Variants in TPH2 observed in about 807,000 individuals in gnomAD.
The protein encoded by TPH2 is tryptophan 5-hydroxylase 2.
Under a neutral mutation model 59.1 loss-of-function variants are expected in TPH2, and 27 were observed. The observed-to-expected ratio is 0.46, with a 90% CI of 0.34 to 0.63. The LOEUF is 0.63. TPH2 is among the 30% of genes least tolerant of loss of function. The probability of loss-of-function intolerance (pLI) is 0.01; values close to 1 mark genes in which losing one functional copy is unlikely to be tolerated. For missense variants in TPH2, 523 were observed against 588.3 expected, an observed-to-expected ratio of 0.89 and a Z score of 1.15; for synonymous variants, 220 against 210.5, an observed-to-expected ratio of 1.05 and a Z score of -0.39.
chr12:71,954,977 T>C (rs1871454863), intron 5 of TPH2, among the ~76,000 whole-genome samples: 1 of 152,172 alleles, frequency 6.6e-6, no homozygotes, highest in Non-Finnish European at 1.5e-5. Flanking sequence ...TTATTATGAA[T>C]GTACCTACTC....
At chr12:72,015,164 T>C (rs1404684391) in intron 8 of TPH2, among the ~76,000 whole-genome samples, 1 of 152,062 alleles carries the variant, frequency 6.6e-6, no homozygotes, top group Non-Finnish European at 1.5e-5. Context: ...GAGCAGACCT[T>C]GAGGGGCCTT....
chr12:72,005,765 C>T lies in TPH2; in HGVS notation c.1068+11200C>T, dbSNP rs116755713. On this transcript the variant is annotated intron_variant, in intron 8 of 10. Coordinates refer to ENST00000333850, the MANE Select transcript of TPH2 (RefSeq NM_173353.4). ...TGATAAGTTTTGTTTGCTTTTCCTT[C>T]TTTGTTTTGAGAAAAAATTGAGCAC... Among the ~76,000 whole-genome samples the T allele has an allele frequency of 7.7e-3, 1,168 of 152,238 alleles. 15 individuals carry two copies. The highest frequency in any genetic ancestry group is 0.027 in the African/African-American group (1,115 of 41,556).
At chr12:71,950,363 C>A (rs1161400326) in intron 5 of TPH2, among the ~76,000 whole-genome samples, 1 of 151,698 alleles carries the variant, frequency 6.6e-6, no homozygotes, top group Non-Finnish European at 1.5e-5. Context: ...AAGGGTGGGG[C>A]CATTTTATAG....
chr12:71,992,784 T>C (rs1872609254), intron 7 of TPH2, among the ~76,000 whole-genome samples: 1 of 152,230 alleles, frequency 6.6e-6, no homozygotes, highest in Non-Finnish European at 1.5e-5. Context: ...CATGAAAACA[T>C]TTAGCACAGT....
intron 5 of TPH2, among the ~76,000 whole-genome samples, chr12:71,968,305 G>A (rs890431147): frequency 6.6e-6 from 1 of 152,164 alleles, no homozygotes; most frequent in Non-Finnish European, 1.5e-5. Flanking sequence ...GACGGTGATG[G>A]GGACCACTGT....
chr12:72,005,865 C>G (rs1255358708), intron 8 of TPH2, among the ~76,000 whole-genome samples: 1 of 152,078 alleles, frequency 6.6e-6, no homozygotes, highest in African/African-American at 2.4e-5. Context: ...AGTTCTGTCC[C>G]CATTAGTGAG....
At chr12:71,961,503 G>T (rs763217608) in intron 5 of TPH2, 6 of 1,346,476 alleles carry the variant, frequency 4.5e-6, no homozygotes, top group Non-Finnish European at 5.9e-6. Context: ...GGTGCAAGAT[G>T]TATCTGATTA....
At chr12:71,979,260 T>C (rs1872204395) in intron 7 of TPH2, among the ~76,000 whole-genome samples, 173 bp downstream of exon 7, 1 of 152,224 alleles carries the variant, frequency 6.6e-6, no homozygotes, top group Non-Finnish European at 1.5e-5. Flanking sequence ...ACTCCTCATC[T>C]GGGTCCGTGG....
rs7977183 is a variant in TPH2 at position 71,949,463 on chromosome 12, T to A, written c.541-125T>A. The A allele has an allele frequency of 2.4e-3, 1,809 of 756,420 alleles. 26 individuals carry two copies. In the African/African-American group the frequency reaches 0.027, roughly 11 times the overall value. 46.9% of individuals were successfully genotyped at this position (756,420 alleles called of 1,614,324 possible). A position where few individuals can be genotyped will look rare whatever the true frequency, so the allele number is the denominator to read the frequency against. The stretch of plus-strand genomic sequence containing the variant: ...TTTGTTTCTGTCTGTGTCATCAAGA[T>A]GGCCATCCTAGGATAAGATTTACAT... On this transcript the variant is annotated intron_variant, in intron 4 of 10. Coordinates refer to ENST00000333850, the MANE Select transcript of TPH2 (RefSeq NM_173353.4).
intron 7 of TPH2, among the ~76,000 whole-genome samples, chr12:71,982,517 C>T (rs1287899952): frequency 6.6e-6 from 1 of 152,086 alleles, no homozygotes; most frequent in African/African-American, 2.4e-5. Context: ...CTTTTTAATC[C>T]TTGTATATTG....
intron 8 of TPH2, among the ~76,000 whole-genome samples, chr12:72,004,731 AG>A (rs1872908231): frequency 6.6e-6 from 1 of 152,220 alleles, no homozygotes; most frequent in Non-Finnish European, 1.5e-5. Context: ...AGCAGAAAGA[AG>A]ATGGTTGGGA....
intron 7 of TPH2, among the ~76,000 whole-genome samples, chr12:71,981,340 T>G (rs1011079790): frequency 6.6e-6 from 1 of 152,184 alleles, no homozygotes; most frequent in Non-Finnish European, 1.5e-5. Flanking sequence ...TGGACTTAGT[T>G]CTGTAGGCAA....
intron 7 of TPH2, 54 bp from the exon 8 acceptor site, chr12:71,994,385 G>A (rs961894888): frequency 6.2e-7 from 1 of 1,607,268 alleles, no homozygotes. Context: ...TGTTCTACCA[G>A]TGGTAATTTA....
chr12:72,009,646 T>A (rs1434910148), intron 8 of TPH2, among the ~76,000 whole-genome samples: 4 of 152,228 alleles, frequency 2.6e-5, no homozygotes, highest in Middle Eastern at 3.2e-3. Flanking sequence ...TTGTTTGTAG[T>A]GTGTGTTCTT....
At chr12:72,026,645 T>G (rs936195155) in intron 9 of TPH2, among the ~76,000 whole-genome samples, 9 of 152,174 alleles carry the variant, frequency 5.9e-5, no homozygotes, top group Non-Finnish European at 1.0e-4. Context: ...TTTCTTCTCA[T>G]GAAGTTAGTG....
intron 5 of TPH2, among the ~76,000 whole-genome samples, chr12:71,970,969 C>T (rs1243914081): frequency 1.3e-5 from 2 of 152,170 alleles, no homozygotes; most frequent in African/African-American, 4.8e-5. Context: ...AATTTGGGGG[C>T]AGGAGAAACT....
At chr12:71,980,021 A>G (rs1461098401) in intron 7 of TPH2, among the ~76,000 whole-genome samples, 1 of 152,182 alleles carries the variant, frequency 6.6e-6, no homozygotes, top group Non-Finnish European at 1.5e-5. Flanking sequence ...AGTGCTAATA[A>G]GTGCTGTGAA....
At chr12:72,011,278 G>A (rs930932559) in intron 8 of TPH2, among the ~76,000 whole-genome samples, 1 of 152,168 alleles carries the variant, frequency 6.6e-6, no homozygotes, top group Non-Finnish European at 1.5e-5. Flanking sequence ...TATAAAACTA[G>A]TTTTTGATTT....
intron 9 of TPH2, among the ~76,000 whole-genome samples, chr12:72,023,312 T>C (rs1352840340): frequency 6.6e-6 from 1 of 152,182 alleles, no homozygotes; most frequent in African/African-American, 2.4e-5. Context: ...ATTTTGAGCA[T>C]TGATTATCCT....
Sources: gnomAD v4.1 joint callset for allele counts (sites outside exome capture counted in the v4.1 genomes callset) on GRCh38, gnomAD v4.1.1 for gene constraint, MANE v1.5 for transcripts, NCBI Gene and HGNC (gene_info 2026-07-23, HGNC 2026-07-21) for gene names.